RARB: variants seen among roughly 807,000 people sequenced by gnomAD.
RARB encodes retinoic acid receptor beta.
In RARB, 17 loss-of-function variants were observed where a neutral mutation model predicts 51.9. The ratio of observed to expected loss-of-function variants is 0.33; its 90% confidence interval spans 0.22 to 0.49. The LOEUF (loss-of-function observed/expected upper bound fraction) is 0.49, where lower values mean the gene tolerates loss of function less well. Ranked by LOEUF, RARB falls within the 20% of genes least tolerant of loss-of-function variation. The pLI is 0.99. For synonymous variants in RARB, 215 were observed against 195.4 expected (o/e 1.10, Z -0.84); for missense variants, 369 against 550.8 (o/e 0.67, Z 3.30).
chr3:25,273,550 C>T (rs960228455), intron 5 of RARB, among the ~76,000 whole-genome samples: 3 of 152,178 alleles, frequency 2.0e-5, no homozygotes, highest in Non-Finnish European at 4.4e-5. Flanking sequence ...TCTCCCTGCT[C>T]AGCTAGTCAG....
rs1340171554 is a variant in RARB, at chr3:25,416,462, G to A, written c.179-44731G>A. On this transcript the variant is annotated intron_variant, in intron 5 of 11. Transcript: ENST00000383772. ...TGAGACTTTTAGACCTTGAAGAAAC[G>A]TTTGATATTATCCAGTTCCAGGACT... is the stretch of plus-strand genomic sequence containing the variant. 3.9e-5 allele frequency among the ~76,000 whole-genome samples: 6 copies of A among 152,078 alleles called. No individual in the cohort carries two copies. The East Asian group carries it at 5.8e-4, about 15-fold the overall frequency.
chr3:25,417,442 C>T (rs892876491), intron 5 of RARB, among the ~76,000 whole-genome samples: 6 of 152,218 alleles, frequency 3.9e-5, no homozygotes, highest in African/African-American at 1.4e-4. Flanking sequence ...GTAACTGACT[C>T]CCCCCAAGGG....
At chr3:25,202,739 G>A (rs183219991) in intron 5 of RARB, among the ~76,000 whole-genome samples, 15 of 152,282 alleles carry the variant, frequency 9.9e-5, no homozygotes, top group Non-Finnish European at 1.6e-4. Context: ...ATGTAGTTGA[G>A]CAGTTTTGAG....
At chr3:25,302,986 A>T (rs1704075947) in intron 5 of RARB, among the ~76,000 whole-genome samples, 1 of 152,168 alleles carries the variant, frequency 6.6e-6, no homozygotes, top group South Asian at 2.1e-4. Flanking sequence ...CTTTATTTCT[A>T]AGGGGGCTAG....
chr3:24,889,800 T>G (rs1330406639), intron 2 of RARB, among the ~76,000 whole-genome samples: 3 of 151,218 alleles, frequency 2.0e-5, no homozygotes, highest in Non-Finnish European at 2.9e-5. Flanking sequence ...TGAAATGTGG[T>G]CCAAGATATA....
At chr3:25,416,977 G>A (rs1461872380) in intron 5 of RARB, among the ~76,000 whole-genome samples, 1 of 152,090 alleles carries the variant, frequency 6.6e-6, no homozygotes. Flanking sequence ...TGCCACACTG[G>A]CCTTTCCTTA....
rs1454977390 is a variant in RARB, at chr3:25,185,211, A to AT, written c.178+10642dup. 2.0e-5 allele frequency among the ~76,000 whole-genome samples: 3 copies of AT among 152,200 alleles called. No individual in the cohort carries two copies. The East Asian group carries it at 5.8e-4, about 29-fold the overall frequency. On this transcript the variant is annotated intron_variant, in intron 5 of 11. Transcript: ENST00000383772. The stretch of plus-strand genomic sequence containing the variant: ...CCTAAGTTTGGGTATTAGAAAAGAC[A>AT]TTTTTTCATAAGTAAGCTTGCCCTG...
chr3:25,563,367 T>A (rs954797559), intron 3 of RARB, among the ~76,000 whole-genome samples: 1 of 152,196 alleles, frequency 6.6e-6, no homozygotes, highest in Non-Finnish European at 1.5e-5. Flanking sequence ...GTCTCATGAG[T>A]GGCAAGAAAA....
chr3:24,864,500 C>T (rs757671457), intron 2 of RARB, among the ~76,000 whole-genome samples: 1 of 152,166 alleles, frequency 6.6e-6, no homozygotes, highest in African/African-American at 2.4e-5. Flanking sequence ...ATCTATACTT[C>T]CAGCCCTGCT....
intron 4 of RARB, among the ~76,000 whole-genome samples, chr3:25,571,953 A>G (rs998867964): frequency 6.6e-6 from 1 of 152,226 alleles, no homozygotes; most frequent in African/African-American, 2.4e-5. Context: ...CAATACAGAA[A>G]AGTAACATGA....
intron 5 of RARB, among the ~76,000 whole-genome samples, chr3:25,399,167 A>T (rs1707199468): frequency 6.6e-6 from 1 of 152,156 alleles, no homozygotes; most frequent in Admixed American, 6.6e-5. Context: ...TATCACTATG[A>T]TGCTTTACTG....
chr3:25,050,122 A>G (rs1259539158), intron 2 of RARB, among the ~76,000 whole-genome samples: 2 of 152,230 alleles, frequency 1.3e-5, no homozygotes, highest in Non-Finnish European at 2.9e-5. Flanking sequence ...CCAAGCTTGT[A>G]TGAATGTGAC....
At chr3:25,179,042 C>T (rs1481542245) in intron 5 of RARB, among the ~76,000 whole-genome samples, 1 of 152,102 alleles carries the variant, frequency 6.6e-6, no homozygotes, top group Non-Finnish European at 1.5e-5. Context: ...TTCTTTTCCC[C>T]TTCTTTTTTA....
intron 2 of RARB, among the ~76,000 whole-genome samples, chr3:25,489,837 A>G (rs1696641892): frequency 6.6e-6 from 1 of 152,208 alleles, no homozygotes; most frequent in Non-Finnish European, 1.5e-5. Context: ...GGCATGAGCA[A>G]CTTTGAGGGG....
chr3:24,860,159 C>T (rs1053483305), intron 2 of RARB, among the ~76,000 whole-genome samples: 5 of 152,108 alleles, frequency 3.3e-5, no homozygotes, highest in South Asian at 4.2e-4. Context: ...GGGGTTAGTG[C>T]CTCTTGGGGG....
At chr3:25,127,957 C>T (rs1330978461) in intron 3 of RARB, among the ~76,000 whole-genome samples, 1 of 152,058 alleles carries the variant, frequency 6.6e-6, no homozygotes, top group African/African-American at 2.4e-5. Context: ...AAGGATGACC[C>T]TCCTAATGAA....
At chr3:25,332,985 A>T (rs1044438897) in intron 5 of RARB, among the ~76,000 whole-genome samples, 1 of 152,104 alleles carries the variant, frequency 6.6e-6, no homozygotes, top group Non-Finnish European at 1.5e-5. Flanking sequence ...TGAAGGACCT[A>T]TTCAAGGAGA....
chr3:24,927,114 ACT>A, intron 2 of RARB, among the ~76,000 whole-genome samples: 1 of 152,174 alleles, frequency 6.6e-6, no homozygotes, highest in East Asian at 1.9e-4. Context: ...CTCAAATTAT[ACT>A]CTTTTGTTTT....
intron 5 of RARB, among the ~76,000 whole-genome samples, chr3:25,236,643 C>T (rs1029122497): frequency 1.3e-5 from 2 of 151,832 alleles, no homozygotes; most frequent in East Asian, 1.9e-4. Context: ...GCTGGTGCTC[C>T]GAACAATTAA....
Sources: allele counts gnomAD v4.1 joint callset (sites outside exome capture counted in the v4.1 genomes callset), GRCh38; gene constraint gnomAD v4.1.1; transcripts MANE v1.5; gene names NCBI Gene and HGNC (gene_info 2026-07-23, HGNC 2026-07-21).